The following MRPL40 variants were observed in gnomAD, a reference collection of about 807,000 sequenced individuals.
MRPL40 encodes large ribosomal subunit protein mL40.
A neutral mutation model predicts 24.5 loss-of-function variants in MRPL40; 18 were observed. The ratio of observed to expected loss-of-function variants is 0.73; its 90% CI spans 0.51 to 1.09. The LOEUF is 1.09. Among genes scored for constraint, MRPL40 ranks in the 50% least tolerant of loss-of-function variants. The pLI is 0.00. For synonymous variants in MRPL40, 108 were observed against 94.6 expected (o/e 1.14, Z -0.82); for missense variants, 256 against 243.8 (o/e 1.05, Z -0.33).
intron 2 of MRPL40, among the ~76,000 whole-genome samples, chr22:19,434,348 G>A (rs545692004): frequency 6.7e-6 from 1 of 149,114 alleles, no homozygotes; most frequent in Admixed American, 6.8e-5. Flanking sequence ...TCAGCTTCCC[G>A]AGAAGCTGGG....
At chr22:19,435,460 A>C (rs1382523608) in intron 3 of MRPL40, among the ~76,000 whole-genome samples, 178 bp from the exon 4 acceptor site, 1 of 152,142 alleles carries the variant, frequency 6.6e-6, no homozygotes, top group Non-Finnish European at 1.5e-5. Context: ...AGAGCAAATG[A>C]CCTTGGTTCC....
At chr22:19,432,680 C>A in intron 1 of MRPL40, 73 bp downstream of exon 1, 1 of 1,476,502 alleles carries the variant, frequency 6.8e-7, no homozygotes, top group Non-Finnish European at 9.0e-7. Context: ...TCCGCCAGGA[C>A]TCGCCTGTGC....
chr22:19,433,480 G>C (rs995993931), intron 2 of MRPL40, 132 bp downstream of exon 2: 9 of 572,732 alleles, frequency 1.6e-5, no homozygotes, highest in South Asian at 1.5e-4. Flanking sequence ...AATTTAGGCC[G>C]ATGCTTTTCT....
At chr22:19,433,166 C>G in intron 1 of MRPL40, 99 bp from the exon 2 acceptor site, 1 of 750,280 alleles carries the variant, frequency 1.3e-6, no homozygotes, top group Non-Finnish European at 2.3e-6. Flanking sequence ...ACCTCGCGAT[C>G]CACCCGCCTC....
chr22:19,432,627 G>A lies in MRPL40; in HGVS notation c.53+20G>A, dbSNP rs2089553606. 1.3e-6 allele frequency: 2 copies of A among 1,545,518 alleles called. No homozygotes were observed. The highest frequency in any genetic ancestry group is 1.7e-6 in the Non-Finnish European group (2 of 1,145,472). On this transcript the variant is annotated intron_variant, in intron 1 of 3. Coordinates refer to ENST00000333130, the MANE Select transcript of MRPL40 (RefSeq NM_003776.4). ...TAGCGGGTGAGTGCGGACGCTGGCC[G>A]GATAGCGGAGTGCCCAGGGCGCGTG...
chr22:19,434,784 A>G lies in MRPL40; in HGVS notation c.186A>G (p.Gln62=), dbSNP rs1417442117. Reference sequence around the variant, plus strand: ...AGAAGGTAGATCCTAAAAAAGACCAAGAAGCAAAGGAGCGCTTGAAAAGGA... The same window carrying G: ...AGAAGGTAGATCCTAAAAAAGACCAGGAAGCAAAGGAGCGCTTGAAAAGGA... The part of the protein sequence containing the change: ...KKKKVDPKKD[Q]EAKERLKRKI... Residue 62 remains glutamine (Q), a synonymous_variant, in exon 3 of 4, where the codon CAA becomes CAG. Transcript: ENST00000333130. The G allele has an allele frequency of 1.9e-6, 3 of 1,610,240 alleles. No homozygotes were observed. The highest frequency in any genetic ancestry group is 1.7e-4 in the Middle Eastern group (1 of 6,038).
At chr22:19,435,258 T>C (rs942014181) in intron 3 of MRPL40, among the ~76,000 whole-genome samples, 6 of 152,328 alleles carry the variant, frequency 3.9e-5, no homozygotes, top group South Asian at 2.1e-4. Context: ...TGTTTTATCA[T>C]GCAGATATCT....
chr22:19,434,431 C>G (rs1419594773), intron 2 of MRPL40, among the ~76,000 whole-genome samples: 1 of 151,902 alleles, frequency 6.6e-6, no homozygotes, highest in Non-Finnish European at 1.5e-5. Flanking sequence ...CCATGTTGAC[C>G]AGGCTGGTCT....
chr22:19,433,065 T>G (rs2089558519), intron 1 of MRPL40, 200 bp from the exon 2 acceptor site: 1 of 517,558 alleles, frequency 1.9e-6, no homozygotes. Context: ...TAGCTCGGAT[T>G]ACAGGCGCCC....
chr22:19,433,300 C>T lies in MRPL40; in HGVS notation c.89C>T (p.Thr30Ile), dbSNP rs760153460. Residue 30 changes from threonine to isoleucine, a missense_variant, in exon 2 of 4, where the codon ACT (threonine) becomes ATT (isoleucine). Transcript: ENST00000333130. ...LGTWQTQLRE[T>I]HQRASLLSFW... ...ACTTGGCAGACGCAGCTTAGAGAGACTCACCAGCGAGCGTCATTGTTGTCT... is the reference window on the plus strand; with the variant it reads ...ACTTGGCAGACGCAGCTTAGAGAGATTCACCAGCGAGCGTCATTGTTGTCT... The T allele has an allele frequency of 1.6e-5, 26 of 1,613,072 alleles. No individual in the cohort carries two copies. In the Admixed American group the frequency reaches 4.0e-4, roughly 25 times the overall value.
At position 19,433,269 on chromosome 22, in the gene MRPL40, C is replaced by T. The variant is rs140090400; in HGVS notation, c.58C>T (p.Leu20=). The stretch of plus-strand genomic sequence containing the variant: ...ACATACTCTTGTATCTTTCAGGCTT[C>T]TGGGAACTTGGCAGACGCAGCTTAG... The part of the protein sequence containing the change: ...SLALRPTSGL[L]GTWQTQLRET... The change falls in exon 2 of 4, where the codon CTG becomes TTG. Residue 20 remains leucine, a synonymous_variant. Transcript: ENST00000333130. The T allele has an allele frequency of 9.3e-6, 15 of 1,609,568 alleles. No homozygotes were observed. The African/African-American group carries it at 1.9e-4, about 20-fold the overall frequency.
At position 19,435,946 on chromosome 22, in the gene MRPL40, T is replaced by G; in HGVS notation, c.605T>G (p.Val202Gly). The change falls in exon 4 of 4, where the codon GTG becomes GGG. Residue 202 changes from valine (V) to glycine (G), a missense_variant. By Grantham distance (109) the Val-to-Gly change is moderately radical (BLOSUM62 -3). Transcript: ENST00000333130. ...GACATCACCAAGGTGTACACACAAG[T>G]GGAGTTTAAGAGATAGACTTGCAGG... Reference protein sequence around the residue: ...YNDITKVYTQVEFKR With the variant: ...YNDITKVYTQGEFKR 1 of 1,613,676 alleles carries G rather than the reference T, an allele frequency of 6.2e-7. No homozygotes were observed. The highest frequency in any genetic ancestry group is 8.5e-7 in the Non-Finnish European group (1 of 1,179,696).
rs144641111 is a variant in MRPL40 at position 19,434,520 on chromosome 22, G to C, written c.138-216G>C. Among the ~76,000 whole-genome samples the C allele has an allele frequency of 1.1e-3, 171 of 152,214 alleles. 2 individuals carry two copies. The East Asian group carries it at 0.03, about 27-fold the overall frequency. On this transcript the variant is annotated intron_variant, in intron 2 of 3. Transcript: ENST00000333130. Reference sequence around the variant, plus strand: ...TTACAGGCCTGAGCCACTGCACCCGGCTGCTTTTGTACTATTTCTTGTAAT... The same window carrying C: ...TTACAGGCCTGAGCCACTGCACCCGCCTGCTTTTGTACTATTTCTTGTAAT...
In MRPL40 at chr22:19,435,745, C is replaced by A. The variant is rs1409453810; in HGVS notation, c.404C>A (p.Thr135Asn). Residue 135 changes from threonine (T) to asparagine (N), a missense_variant, in exon 4 of 4, where the codon ACC (threonine) becomes AAC (asparagine). Thr to Asn is a moderately conservative substitution (Grantham distance 65). Coordinates refer to ENST00000333130, the MANE Select transcript of MRPL40 (RefSeq NM_003776.4). ...CAAGAGCGTAAGATGGAGAGGGACA[C>A]CATCAGGGCTATGCTAGAAGCCCAG... Reference protein sequence around the residue: ...KQQERKMERDTIRAMLEAQQE... With the variant: ...KQQERKMERDNIRAMLEAQQE... The A allele has an allele frequency of 9.3e-6, 15 of 1,613,994 alleles. No individual in the cohort carries two copies. The highest frequency in any genetic ancestry group is 2.7e-5 in the African/African-American group (2 of 74,912).
chr22:19,434,560 C>T (rs1169992064), intron 2 of MRPL40, among the ~76,000 whole-genome samples, 176 bp from the exon 3 acceptor site: 1 of 152,166 alleles, frequency 6.6e-6, no homozygotes, highest in Admixed American at 6.5e-5. Context: ...GGCACCTACA[C>T]AGTTCTCACA....
At position 19,435,635 on chromosome 22, in the gene MRPL40, CAG is replaced by C; in HGVS notation, c.299_300del. Reference sequence around the variant, plus strand: ...AGATTGGTAACCCTTAGCTTCTTTGCAGAGAGCGGCCTCAGGTGGAGCTCACC... The same window carrying C: ...AGATTGGTAACCCTTAGCTTCTTTGCAGAGCGGCCTCAGGTGGAGCTCACC... On this transcript the variant is annotated splice_acceptor_variant, in intron 3 of 3. Coordinates refer to ENST00000333130, the MANE Select transcript of MRPL40 (RefSeq NM_003776.4). LOFTEE classifies it high-confidence loss of function. 1.9e-6 allele frequency: 3 copies of C among 1,608,098 alleles called. No individual in the cohort carries two copies. The highest frequency in any genetic ancestry group is 2.5e-6 in the Non-Finnish European group (3 of 1,176,654).
intron 1 of MRPL40, 113 bp downstream of exon 1, chr22:19,432,720 C>G: frequency 7.0e-7 from 1 of 1,435,664 alleles, no homozygotes; most frequent in Non-Finnish European, 9.2e-7. Flanking sequence ...CCACGAATAT[C>G]TCAGGGATGA....
In MRPL40 at chr22:19,433,239, T is replaced by C. The variant is rs12158775; in HGVS notation, c.54-26T>C. On this transcript the variant is annotated intron_variant, in intron 1 of 3. Transcript: ENST00000333130. Reference sequence around the variant, plus strand: ...CGCGCCTAGCCTGGAGAAGCAGATATTTATACATACTCTTGTATCTTTCAG... The same window carrying C: ...CGCGCCTAGCCTGGAGAAGCAGATACTTATACATACTCTTGTATCTTTCAG... The C allele has an allele frequency of 3.9e-3, 6,032 of 1,538,464 alleles. 191 individuals carry two copies. In the African/African-American group the frequency reaches 0.07, roughly 18 times the overall value.
chr22:19,434,795 A>G lies in MRPL40; in HGVS notation c.197A>G (p.Glu66Gly), dbSNP rs1200635756. 12 of 1,612,434 alleles carry G rather than the reference A, an allele frequency of 7.4e-6. No homozygotes were observed. The highest frequency in any genetic ancestry group is 1.0e-5 in the Non-Finnish European group (12 of 1,179,614). The change falls in exon 3 of 4, where the codon GAG (glutamate) becomes GGG (glycine). Residue 66 changes from glutamate to glycine, a missense_variant. Glu to Gly is a moderately conservative substitution (Grantham distance 98, BLOSUM62 -2). Transcript: ENST00000333130. ...CCTAAAAAAGACCAAGAAGCAAAGG[A>G]GCGCTTGAAAAGGAAGATCCGAAAA... ...VDPKKDQEAK[E>G]RLKRKIRKLE...
Sources: gnomAD v4.1 joint callset for allele counts (sites outside exome capture counted in the v4.1 genomes callset) on GRCh38, gnomAD v4.1.1 for gene constraint, MANE v1.5 for transcripts, NCBI Gene and HGNC (gene_info 2026-07-23, HGNC 2026-07-21) for gene names.